COQ4: variants seen among roughly 807,000 people sequenced by gnomAD.
The protein encoded by COQ4 is ubiquinone biosynthesis protein COQ4 homolog, mitochondrial.
A neutral mutation model predicts 30.2 loss-of-function variants in COQ4; 36 were observed. The observed-to-expected ratio is 1.19, with a 90% CI of 0.91 to 1.57. The LOEUF is 1.57. Among genes scored for constraint, COQ4 ranks in the 40% most tolerant of loss-of-function variants. The probability of loss-of-function intolerance (pLI) is 0.00; values close to 1 mark genes in which losing one functional copy is unlikely to be tolerated. For synonymous variants in COQ4, 197 were observed against 161.0 expected (o/e 1.22, Z -1.69); for missense variants, 369 against 371.9 (o/e 0.99, Z 0.07).
At chr9:128,324,607 G>C (rs1261664778) in intron 2 of COQ4, among the ~76,000 whole-genome samples, 4 of 152,046 alleles carry the variant, frequency 2.6e-5, no homozygotes. Flanking sequence ...TGGGGCCAAA[G>C]TTCAAGACCA....
At chr9:128,324,909 A>C (rs2131465146) in intron 2 of COQ4, among the ~76,000 whole-genome samples, 1 of 152,338 alleles carries the variant, frequency 6.6e-6, no homozygotes, top group South Asian at 2.1e-4. Flanking sequence ...AATCTTTACA[A>C]CGTTGTGCTA....
chr9:128,329,316 C>G (rs1449202751), intron 4 of COQ4, among the ~76,000 whole-genome samples: 6 of 152,190 alleles, frequency 3.9e-5, no homozygotes, highest in Admixed American at 3.9e-4. Context: ...GACTCGGCCA[C>G]TTTACTAGCT....
At chr9:128,329,623 G>T (rs369721115) in intron 4 of COQ4, among the ~76,000 whole-genome samples, 1 of 152,184 alleles carries the variant, frequency 6.6e-6, no homozygotes, top group African/African-American at 2.4e-5. Context: ...GCTGGCCTTG[G>T]CCTCCCAAAG....
At position 128,332,188 on chromosome 9, in the gene COQ4, C is replaced by T. The variant is rs370815099; in HGVS notation, c.438C>T (p.Phe146=). 1.7e-5 allele frequency: 27 copies of T among 1,599,290 alleles called. No individual in the cohort carries two copies. Among genetic ancestry groups the T allele is most frequent in the South Asian group, 5.6e-5 (5 of 88,550 alleles). Residue 146 remains phenylalanine, a synonymous_variant, in exon 5 of 7, where the codon TTC becomes TTT. Transcript: ENST00000300452. ...VSPDTRAPTR[F]VDDEELAYVI... ...CAGACACCCGAGCACCCACCCGCTT[C>T]GTGGATGATGAGGAGCTAGCGTATG...
At chr9:128,329,351 A>G (rs77191838) in intron 4 of COQ4, among the ~76,000 whole-genome samples, 1,907 of 152,252 alleles carry the variant, frequency 0.013, 24 homozygotes, top group South Asian at 0.039. Context: ...AAATTACTTT[A>G]TCTCTCTGAG....
intron 2 of COQ4, among the ~76,000 whole-genome samples, chr9:128,324,181 G>A (rs1832276499): frequency 1.3e-5 from 2 of 152,110 alleles, no homozygotes; most frequent in South Asian, 4.1e-4. Context: ...ATTTTGCTAT[G>A]TTGCCCAGGC....
intron 3 of COQ4, 113 bp from the exon 4 acceptor site, chr9:128,325,666 T>C (rs1030964356): frequency 2.3e-5 from 18 of 799,934 alleles, no homozygotes; most frequent in Non-Finnish European, 3.6e-5. Context: ...CCATTAAGGC[T>C]TGTGGTGGCC....
intron 5 of COQ4, 184 bp from the exon 6 acceptor site, chr9:128,332,666 T>G (rs531488464): frequency 5.3e-5 from 33 of 619,030 alleles, no homozygotes; most frequent in Non-Finnish European, 9.0e-5. Flanking sequence ...TCCCTTCTGT[T>G]CACTCTTGGG....
chr9:128,333,353 A>G, intron 6 of COQ4, 121 bp from the exon 7 acceptor site: 1 of 865,686 alleles, frequency 1.2e-6, no homozygotes, highest in Non-Finnish European at 1.7e-6. Context: ...AAAAGCAGGG[A>G]TAATAACTAC....
At position 128,328,177 on chromosome 9, in the gene COQ4, G is replaced by A. The variant is rs550817888; in HGVS notation, c.402+2296G>A. Among the ~76,000 whole-genome samples the A allele has an allele frequency of 8.0e-4, 122 of 152,358 alleles. 1 individual carries two copies. The highest frequency in any genetic ancestry group is 2.0e-3 in the African/African-American group (82 of 41,578). The stretch of plus-strand genomic sequence containing the variant: ...GGGCTGGAAGGGGAGCCAGGGCTGC[G>A]CCCTGTAGGCCACCAGAAGGAGGAG... On this transcript the variant is annotated intron_variant, in intron 4 of 6. Transcript: ENST00000300452.
intron 4 of COQ4, among the ~76,000 whole-genome samples, chr9:128,329,608 G>T (rs977676006): frequency 3.9e-5 from 6 of 152,194 alleles, no homozygotes; most frequent in African/African-American, 1.4e-4. Context: ...GACCTCAAGT[G>T]ATCCGCTGGC....
Position 128,333,785 on chromosome 9 carries a change from T to TGCTGAGTG in COQ4, c.*143_*150dup. The TGCTGAGTG allele has an allele frequency of 2.4e-6, 2 of 828,878 alleles. No homozygotes were observed. The highest frequency in any genetic ancestry group is 3.5e-6 in the Non-Finnish European group (2 of 579,560). 51.3% of individuals were successfully genotyped at this position (828,878 alleles called of 1,614,324 possible). The stretch of plus-strand genomic sequence containing the variant: ...ATTTATCATAATTTGTCATAACCAC[T>TGCTGAGTG]GCTGAGTGGCCTTGAGGACGAACCC... On this transcript the variant is annotated 3_prime_UTR_variant, in exon 7 of 7. Coordinates refer to ENST00000300452, the MANE Select transcript of COQ4 (RefSeq NM_016035.5).
intron 2 of COQ4, among the ~76,000 whole-genome samples, chr9:128,324,018 C>CTG (rs996553739): frequency 2.6e-5 from 4 of 152,168 alleles, no homozygotes; most frequent in African/African-American, 9.7e-5. Context: ...CAGTATTGCT[C>CTG]TGTGGCCCAC....
Position 128,325,768 on chromosome 9 carries a change from T to C in COQ4, c.300-11T>C, listed in dbSNP as rs976601893. The C allele has an allele frequency of 1.2e-6, 2 of 1,612,230 alleles. No individual in the cohort carries two copies. Among genetic ancestry groups the C allele is most frequent in the Non-Finnish European group, 1.7e-6 (2 of 1,178,566 alleles). Reference sequence around the variant, plus strand: ...CCCACACCCTCCCAATGCCCAAGTCTTGCCTTTCAGGGAGCGTCCCCGGAT... The same window carrying C: ...CCCACACCCTCCCAATGCCCAAGTCCTGCCTTTCAGGGAGCGTCCCCGGAT... On this transcript the variant is annotated splice_polypyrimidine_tract_variant and intron_variant, in intron 3 of 6. Coordinates refer to ENST00000300452, the MANE Select transcript of COQ4 (RefSeq NM_016035.5).
chr9:128,332,125 G>A (rs200656927), intron 4 of COQ4, 28 bp from the exon 5 acceptor site: 2 of 1,551,670 alleles, frequency 1.3e-6, no homozygotes, highest in Non-Finnish European at 8.7e-7. Flanking sequence ...CATCAGGAAG[G>A]GTTCTAGGGG....
chr9:128,323,304 G>A, intron 2 of COQ4, 157 bp downstream of exon 2: 1 of 734,738 alleles, frequency 1.4e-6, no homozygotes. Flanking sequence ...CCACCTAAAC[G>A]CACTGAATCT....
chr9:128,328,602 G>A (rs1303248023), intron 4 of COQ4, among the ~76,000 whole-genome samples: 1 of 152,194 alleles, frequency 6.6e-6, no homozygotes, highest in Admixed American at 6.5e-5. Context: ...GATTACAGAT[G>A]TTCCCTGGTG....
In COQ4 at chr9:128,332,831, A is replaced by G. The variant is rs767284417; in HGVS notation, c.533-19A>G. On this transcript the variant is annotated intron_variant, in intron 5 of 6. Coordinates refer to ENST00000300452, the MANE Select transcript of COQ4 (RefSeq NM_016035.5). Reference sequence around the variant, plus strand: ...CTTCAGATAGCTTGTTCACCTCCCAACACATCCCTCACCCACAGGGGAGAT... The same window carrying G: ...CTTCAGATAGCTTGTTCACCTCCCAGCACATCCCTCACCCACAGGGGAGAT... 6 of 1,599,076 alleles carry G rather than the reference A, an allele frequency of 3.8e-6. No homozygotes were observed. The South Asian group carries it at 6.6e-5, about 18-fold the overall frequency.
At chr9:128,331,962 C>A in intron 4 of COQ4, 191 bp from the exon 5 acceptor site, 1 of 567,960 alleles carries the variant, frequency 1.8e-6, no homozygotes, top group Middle Eastern at 3.1e-4. Flanking sequence ...CTCCTGATCT[C>A]AGGTGATCCG....
Sources: allele counts gnomAD v4.1 joint callset (sites outside exome capture counted in the v4.1 genomes callset), GRCh38; gene constraint gnomAD v4.1.1; transcripts MANE v1.5; gene names NCBI Gene and HGNC (gene_info 2026-07-23, HGNC 2026-07-21).